Variants in PHACTR2 observed in about 807,000 individuals in gnomAD.
PHACTR2 encodes the protein phosphatase and actin regulator 2, also known as chromosome 6 open reading frame 56.
PHACTR2 carries 30 observed loss-of-function variants against 76.0 expected under a neutral mutation model. That is an observed-to-expected ratio of 0.39 (90% CI 0.30 to 0.54). The LOEUF is 0.54. Among genes scored for constraint, PHACTR2 ranks in the 20% least tolerant of loss-of-function variants. The probability of loss-of-function intolerance (pLI) is 0.61; values close to 1 mark genes in which losing one functional copy is unlikely to be tolerated. For synonymous variants in PHACTR2, 292 were observed against 292.5 expected, an observed-to-expected ratio of 1.00 and a Z score of 0.02; for missense variants, 696 against 781.1, an observed-to-expected ratio of 0.89 and a Z score of 1.30.
intron 2 of PHACTR2, among the ~76,000 whole-genome samples, chr6:143,729,486 A>G (rs144802478): frequency 1.1e-3 from 168 of 152,262 alleles, no homozygotes; most frequent in African/African-American, 3.8e-3. Flanking sequence ...ATTTAGATCT[A>G]TGATCAGTTT....
chr6:143,707,608 T>TACAAAC (rs1778082932), intron 1 of PHACTR2, among the ~76,000 whole-genome samples: 1 of 152,236 alleles, frequency 6.6e-6, no homozygotes, highest in Non-Finnish European at 1.5e-5. Flanking sequence ...TATTAAATAG[T>TACAAAC]ATAAACATAC....
At position 143,557,680 on chromosome 6, in the gene PHACTR2, G is replaced by GC. The variant is rs1775198024; in HGVS notation, c.217+20474dup. 6.6e-6 allele frequency: 1 copy of GC among 152,108 alleles called. No individual in the cohort carries two copies. The highest frequency in any genetic ancestry group is 1.5e-5 in the Non-Finnish European group (1 of 68,072). The allele number at this position is 152,108 out of a possible 1,614,324, so 9.4% of individuals were successfully genotyped here. A position where few individuals can be genotyped will look rare whatever the true frequency, so the allele number is the denominator to read the frequency against. On this transcript the variant is annotated intron_variant, in intron 1 of 11. Transcript: ENST00000367584. The surrounding 1 kb of genome is among the most constrained non-coding windows in gnomAD (Gnocchi z 5.5). Reference sequence around the variant, plus strand: ...ACTTCTTTCTCCGTAAGGTCTTGTCGCGAGTCCTAGAGGCAACCAGTTCCT... The same window carrying GC: ...ACTTCTTTCTCCGTAAGGTCTTGTCGCCGAGTCCTAGAGGCAACCAGTTCCT...
chr6:143,799,142 A>G lies in PHACTR2; in HGVS notation c.1846-7915A>G, dbSNP rs1207351461. ...GGGGTATGTGTCCAGGAATTTATCCATTTCTTCTAGATTTTCTGGTTTATT... is the reference window on the plus strand; with the variant it reads ...GGGGTATGTGTCCAGGAATTTATCCGTTTCTTCTAGATTTTCTGGTTTATT... On this transcript the variant is annotated intron_variant, in intron 11 of 12. Transcript: ENST00000440869. 2.6e-5 allele frequency among the ~76,000 whole-genome samples: 4 copies of G among 151,960 alleles called. No individual in the cohort carries two copies. In the East Asian group the frequency reaches 7.7e-4, roughly 29 times the overall value.
chr6:143,805,926 T>C (rs1341183908), intron 11 of PHACTR2, among the ~76,000 whole-genome samples: 3 of 152,192 alleles, frequency 2.0e-5, no homozygotes, highest in Non-Finnish European at 4.4e-5. Context: ...TTTCTGTCTG[T>C]TCCCTTTCCT....
At position 143,633,201 on chromosome 6, in the gene PHACTR2, G is replaced by T. The variant is rs1356534053; in HGVS notation, c.13+24879G>T. On this transcript the variant is annotated intron_variant, in intron 1 of 11. Transcript: ENST00000305766. This position sits in a 1 kb window ranked among gnomAD's most constrained non-coding sequence, Gnocchi z 4.1. The stretch of plus-strand genomic sequence containing the variant: ...AACTGCTAAACTGTCTTCCAAAGTG[G>T]CTGTACCATTTTGCATTCCCATCAG... Among the ~76,000 whole-genome samples, 1 of 152,168 alleles carries T rather than the reference G, an allele frequency of 6.6e-6. No individual in the cohort carries two copies. The highest frequency in any genetic ancestry group is 2.4e-5 in the African/African-American group (1 of 41,436).
intron 1 of PHACTR2, among the ~76,000 whole-genome samples, chr6:143,640,123 G>A (rs1181367783): frequency 6.6e-6 from 1 of 152,188 alleles, no homozygotes; most frequent in Non-Finnish European, 1.5e-5. Context: ...GCTGATGCTG[G>A]TGTAAACAAA....
At chr6:143,604,597 TGTGACCCAGTGCAC>T (rs1775847482), upstream of PHACTR2, among the ~76,000 whole-genome samples, 1 of 152,118 alleles carries the variant, frequency 6.6e-6, no homozygotes, top group Non-Finnish European at 1.5e-5. Context: ...TAAGAAGTAA[TGTGACCCAGTGCAC>T]TGGCTCATGC....
chr6:143,826,277 G>A lies in PHACTR2; in HGVS notation c.*2588G>A, dbSNP rs1776528722. The A allele has an allele frequency of 6.6e-6, 1 of 152,270 alleles. No homozygotes were observed. Among genetic ancestry groups the A allele is most frequent in the Admixed American group, 6.5e-5 (1 of 15,286 alleles). The allele number at this position is 152,270 out of a possible 1,614,324, so 9.4% of individuals were successfully genotyped here. A position where few individuals can be genotyped will look rare whatever the true frequency, so the allele number is the denominator to read the frequency against. ...AGGTCTCCTACCTGGGGGCCCTAAA[G>A]GGATGCAGAGGTCTGGCCCACCCTC... is the stretch of plus-strand genomic sequence containing the variant. On this transcript the variant is annotated 3_prime_UTR_variant, in exon 13 of 13. Coordinates refer to ENST00000440869, the MANE Select transcript of PHACTR2 (RefSeq NM_001100164.2).
Position 143,750,831 on chromosome 6 carries a change from C to T in PHACTR2, c.295+1766C>T, listed in dbSNP as rs1335093324. ...ATAAAAGAACAAAACAATTTTTTAACCTAAGCATAATATAATAATAGGCTT... is the reference window on the plus strand; with the variant it reads ...ATAAAAGAACAAAACAATTTTTTAATCTAAGCATAATATAATAATAGGCTT... On this transcript the variant is annotated intron_variant, in intron 3 of 12. Transcript: ENST00000440869. The surrounding 1 kb of genome is among the most constrained non-coding windows in gnomAD (Gnocchi z 4.6). 6.6e-6 allele frequency among the ~76,000 whole-genome samples: 1 copy of T among 152,082 alleles called. No individual in the cohort carries two copies. The highest frequency in any genetic ancestry group is 1.9e-4 in the East Asian group (1 of 5,200).
intron 11 of PHACTR2, among the ~76,000 whole-genome samples, chr6:143,796,781 G>T (rs907823725): frequency 2.0e-5 from 3 of 152,156 alleles, no homozygotes; most frequent in African/African-American, 7.2e-5. Flanking sequence ...TGGTGTATAT[G>T]TGCCACATTT....
chr6:143,771,770 T>A (rs1024271137), intron 6 of PHACTR2, among the ~76,000 whole-genome samples: 5 of 152,182 alleles, frequency 3.3e-5, no homozygotes, highest in South Asian at 2.1e-4. Flanking sequence ...CTTTTCTACG[T>A]CATTACCTTC....
In PHACTR2 at chr6:143,549,164, C is replaced by A. The variant is rs1379930534; in HGVS notation, c.217+11957C>A. On this transcript the variant is annotated intron_variant, in intron 1 of 11. Coordinates refer to the PHACTR2 transcript ENST00000367584. The surrounding 1 kb of genome is among the most constrained non-coding windows in gnomAD (Gnocchi z 4.2). ...GGGCCCCTTTGGTTTCCATTCAAGG[C>A]AGCCCTCAGTGGTCATTTAACCAGA... Among the ~76,000 whole-genome samples, 1 of 151,996 alleles carries A rather than the reference C, an allele frequency of 6.6e-6. No homozygotes were observed. The highest frequency in any genetic ancestry group is 1.5e-5 in the Non-Finnish European group (1 of 67,936).
At chr6:143,577,364 G>C (rs983323547) in intron 1 of PHACTR2, among the ~76,000 whole-genome samples, 30 of 152,174 alleles carry the variant, frequency 2.0e-4, no homozygotes, top group Middle Eastern at 3.2e-3. Context: ...ATAAAATTAT[G>C]ATCCCAGATA....
At chr6:143,702,275 T>G (rs923028075) in intron 1 of PHACTR2, among the ~76,000 whole-genome samples, 1 of 151,944 alleles carries the variant, frequency 6.6e-6, no homozygotes, top group Admixed American at 6.5e-5. Flanking sequence ...AGCTAGCTAA[T>G]TTTTTGTATT....
intron 2 of PHACTR2, among the ~76,000 whole-genome samples, chr6:143,740,186 C>A (rs1222508313): frequency 6.6e-6 from 1 of 152,140 alleles, no homozygotes; most frequent in Non-Finnish European, 1.5e-5. Flanking sequence ...CATTGCCATG[C>A]CATTTGTAAA....
chr6:143,659,260 A>T lies in PHACTR2; in HGVS notation c.13+50938A>T, dbSNP rs1042404833. On this transcript the variant is annotated intron_variant, in intron 1 of 11. Coordinates refer to the PHACTR2 transcript ENST00000305766. The surrounding 1 kb of genome is among the most constrained non-coding windows in gnomAD (Gnocchi z 5.0). ...AATAAATTAACCTTAGCTTATTGTA[A>T]CTTTTTTACTTTATAAACTTTAAAA... Among the ~76,000 whole-genome samples, 14 of 152,310 alleles carry T rather than the reference A, an allele frequency of 9.2e-5. No homozygotes were observed. The highest frequency in any genetic ancestry group is 6.2e-4 in the South Asian group (3 of 4,826).
rs1309402831 is a variant in PHACTR2 at position 143,641,543 on chromosome 6, G to T, written c.13+33221G>T. Among the ~76,000 whole-genome samples, 2 of 152,144 alleles carry T rather than the reference G, an allele frequency of 1.3e-5. No homozygotes were observed. Among genetic ancestry groups the T allele is most frequent in the Non-Finnish European group, 2.9e-5 (2 of 68,022 alleles). On this transcript the variant is annotated intron_variant, in intron 1 of 11. Coordinates refer to the PHACTR2 transcript ENST00000305766. The surrounding 1 kb of genome is among the most constrained non-coding windows in gnomAD (Gnocchi z 5.8). Reference sequence around the variant, plus strand: ...GTTTTTGAGACAGAGTTTCGCTCTTGTTACCCAGGCTGGAGTACAATGGCA... The same window carrying T: ...GTTTTTGAGACAGAGTTTCGCTCTTTTTACCCAGGCTGGAGTACAATGGCA...
chr6:143,566,842 A>C (rs1395339875), intron 1 of PHACTR2, among the ~76,000 whole-genome samples: 3 of 151,588 alleles, frequency 2.0e-5, no homozygotes, highest in East Asian at 1.9e-4. Flanking sequence ...AAAAAAAAAA[A>C]CCCCACAATG....
intron 1 of PHACTR2, among the ~76,000 whole-genome samples, chr6:143,705,121 G>A (rs918388711): frequency 6.8e-6 from 1 of 147,432 alleles, no homozygotes; most frequent in Non-Finnish European, 1.5e-5. Context: ...CACCGCGCCC[G>A]GCCTTGTTTT....
Sources: gnomAD v4.1 joint callset for allele counts (sites outside exome capture counted in the v4.1 genomes callset) on GRCh38, gnomAD v4.1.1 for gene constraint, Gnocchi (gnomAD v3.1) non-coding constraint, MANE v1.5 for transcripts, NCBI Gene and HGNC (gene_info 2026-07-23, HGNC 2026-07-21) for gene names.